The following CDH1 variants were observed in gnomAD, a reference collection of about 807,000 sequenced individuals.
CDH1 encodes the protein cadherin-1.
A neutral mutation model predicts 84.5 loss-of-function variants in CDH1; 35 were observed. The observed-to-expected ratio is 0.41, with a 90% CI of 0.32 to 0.55. The LOEUF is 0.55. Among genes scored for constraint, CDH1 ranks in the 20% least tolerant of loss-of-function variants. The pLI is 0.19. For synonymous variants in CDH1, 417 were observed against 439.0 expected (o/e 0.95, Z 0.63); for missense variants, 994 against 1,126.6 (o/e 0.88, Z 1.68).
Position 68,833,682 on chromosome 16 carries a change from G to T in CDH1, c.*183G>T. On this transcript the variant is annotated 3_prime_UTR_variant, in exon 16 of 16. Transcript: ENST00000261769. ...TTATAGCTCTAATAAGTTTGTGTTA[G>T]AAAAGTTTCGACTTATTTCTTAAAG... The T allele has an allele frequency of 3.4e-6, 2 of 595,220 alleles. No individual in the cohort carries two copies. The highest frequency in any genetic ancestry group is 3.0e-6 in the Non-Finnish European group (1 of 336,024). The allele number at this position is 595,220 out of a possible 1,614,324, so 36.9% of individuals were successfully genotyped here. A position where few individuals can be genotyped will look rare whatever the true frequency, so the allele number is the denominator to read the frequency against.
At position 68,801,730 on chromosome 16, in the gene CDH1, T is replaced by G. The variant is rs587781336; in HGVS notation, c.224T>G (p.Phe75Cys). Residue 75 changes from phenylalanine to cysteine, a missense_variant, in exon 3 of 16, where the codon TTC (phenylalanine) becomes TGC (cysteine). Around this residue, in one of 3 missense-constraint regions of CDH1, gnomAD observed 203 missense variants for 194.0 expected, o/e 1.05. Coordinates refer to ENST00000261769, the MANE Select transcript of CDH1 (RefSeq NM_004360.5). ...GCCTATTTTTCCCTCGACACCCGAT[T>G]CAAAGTGGGCACAGATGGTGTGATT... Reference protein sequence around the residue: ...RTAYFSLDTRFKVGTDGVITV... With the variant: ...RTAYFSLDTRCKVGTDGVITV... 6.2e-7 allele frequency: 1 copy of G among 1,614,198 alleles called. No individual in the cohort carries two copies. The highest frequency in any genetic ancestry group is 8.5e-7 in the Non-Finnish European group (1 of 1,180,032).
At chr16:68,742,000 A>G (rs1207325850) in intron 2 of CDH1, among the ~76,000 whole-genome samples, 2 of 151,920 alleles carry the variant, frequency 1.3e-5, no homozygotes, top group Admixed American at 1.3e-4. Context: ...GTTGCTGCTT[A>G]TTTTCCTTCT....
chr16:68,796,009 A>G (rs1399567907), intron 2 of CDH1, among the ~76,000 whole-genome samples: 1 of 151,782 alleles, frequency 6.6e-6, no homozygotes, highest in Non-Finnish European at 1.5e-5. Context: ...TAAAAATACA[A>G]AAGATTAGCC....
rs1279402665 is a variant in CDH1 at position 68,834,105 on chromosome 16, C to T, written c.*606C>T. On this transcript the variant is annotated 3_prime_UTR_variant, in exon 16 of 16. Coordinates refer to ENST00000261769, the MANE Select transcript of CDH1 (RefSeq NM_004360.5). ...CCAAGTAGCTGGGACCACAGGCATG[C>T]ACCACTACGCATGACTAATTTTTTA... 14 of 414,414 alleles carry T rather than the reference C, an allele frequency of 3.4e-5. No individual in the cohort carries two copies. In the Admixed American group the frequency reaches 4.0e-4, roughly 12 times the overall value. The allele number at this position is 414,414 out of a possible 1,614,324, so 25.7% of individuals were successfully genotyped here. A position where few individuals can be genotyped will look rare whatever the true frequency, so the allele number is the denominator to read the frequency against.
chr16:68,791,588 A>T (rs918253979), intron 2 of CDH1, among the ~76,000 whole-genome samples: 2 of 151,906 alleles, frequency 1.3e-5, no homozygotes, highest in Non-Finnish European at 2.9e-5. Context: ...ACACCCAGCT[A>T]ATTTTTAATT....
intron 7 of CDH1, 76 bp from the exon 8 acceptor site, chr16:68,812,059 C>A (rs2152132360): frequency 6.2e-7 from 1 of 1,603,328 alleles, no homozygotes; most frequent in Non-Finnish European, 8.5e-7. Context: ...TATTCTGGTT[C>A]CATGTGTTGG....
At chr16:68,793,308 GA>G (rs1960262179) in intron 2 of CDH1, among the ~76,000 whole-genome samples, 1 of 152,194 alleles carries the variant, frequency 6.6e-6, no homozygotes, top group Admixed American at 6.6e-5. Flanking sequence ...AGGTTTCTCT[GA>G]GGCCTGGAAC....
rs558806834 is a variant in CDH1 at position 68,776,827 on chromosome 16, A to G, written c.164-24843A>G. On this transcript the variant is annotated intron_variant, in intron 2 of 15. Transcript: ENST00000261769. ...TGTCAGATTAGGCTGGTCACTTTAC[A>G]TTATATACTTTCTCATGTAGTTCTC... Among the ~76,000 whole-genome samples the G allele has an allele frequency of 6.6e-5, 10 of 152,328 alleles. No individual in the cohort carries two copies. In the South Asian group the frequency reaches 2.1e-3, roughly 32 times the overall value.
At chr16:68,788,839 A>C (rs1445214796) in intron 2 of CDH1, among the ~76,000 whole-genome samples, 1 of 151,994 alleles carries the variant, frequency 6.6e-6, no homozygotes, top group Non-Finnish European at 1.5e-5. Flanking sequence ...TCTCCTAAAA[A>C]AAACAAAAAA....
chr16:68,822,706 C>G (rs1034334255), intron 12 of CDH1: 21 of 300,974 alleles, frequency 7.0e-5, no homozygotes, highest in African/African-American at 4.6e-4. Flanking sequence ...TCCACCATGA[C>G]GATGTGGATC....
chr16:68,802,392 G>T (rs1345423522), intron 3 of CDH1, among the ~76,000 whole-genome samples: 1 of 152,086 alleles, frequency 6.6e-6, no homozygotes, highest in South Asian at 2.1e-4. Context: ...CTAAAAATAC[G>T]CAAGGCATAC....
rs33969373 is a variant in CDH1 at position 68,822,185 on chromosome 16, C to T, written c.1896C>T (p.His632=). 9.2e-3 allele frequency: 14,861 copies of T among 1,614,096 alleles called. 222 individuals are homozygous for T. Among genetic ancestry groups the T allele is most frequent in the Middle Eastern group, 0.088 (536 of 6,062 alleles). ...CTCCCTTCACAGCAGAACTAACACA[C>T]GGGGCGAGTGCCAACTGGACCATTC... The part of the protein sequence containing the change: ...NTSPFTAELT[H]GASANWTIQY... Residue 632 remains histidine, a synonymous_variant, in exon 12 of 16, where the codon CAC becomes CAT. Coordinates refer to ENST00000261769, the MANE Select transcript of CDH1 (RefSeq NM_004360.5).
intron 2 of CDH1, among the ~76,000 whole-genome samples, chr16:68,800,762 G>A (rs1435225936): frequency 6.6e-6 from 1 of 152,142 alleles, no homozygotes; most frequent in Non-Finnish European, 1.5e-5. Flanking sequence ...CCTCAGAAAG[G>A]CCTGCCCTCA....
At chr16:68,740,898 G>T (rs1475036964) in intron 2 of CDH1, among the ~76,000 whole-genome samples, 2 of 152,000 alleles carry the variant, frequency 1.3e-5, no homozygotes, top group African/African-American at 4.8e-5. Context: ...TCCGCAGTTG[G>T]TCTTTTCTCT....
At chr16:68,779,823 AGCCT>A (rs1052511562) in intron 2 of CDH1, among the ~76,000 whole-genome samples, 21 of 152,202 alleles carry the variant, frequency 1.4e-4, no homozygotes, top group African/African-American at 4.8e-4. Flanking sequence ...ACTGCACTCC[AGCCT>A]GGCAACAGAT....
intron 2 of CDH1, among the ~76,000 whole-genome samples, chr16:68,781,476 G>A (rs1027770530): frequency 2.6e-5 from 4 of 151,986 alleles, no homozygotes; most frequent in African/African-American, 9.7e-5. Flanking sequence ...CAGTAATTGG[G>A]ACTACAGGAG....
At chr16:68,796,510 C>G (rs1960365559) in intron 2 of CDH1, among the ~76,000 whole-genome samples, 1 of 152,164 alleles carries the variant, frequency 6.6e-6, no homozygotes, top group Non-Finnish European at 1.5e-5. Flanking sequence ...TGGGACTGTT[C>G]CGTGTGGCAT....
chr16:68,755,293 A>G (rs887989955), intron 2 of CDH1, among the ~76,000 whole-genome samples: 4 of 151,780 alleles, frequency 2.6e-5, no homozygotes, highest in Non-Finnish European at 5.9e-5. Context: ...AAAAAAAAAA[A>G]AAAAAAAAAA....
At chr16:68,772,548 C>T (rs1018936355) in intron 2 of CDH1, among the ~76,000 whole-genome samples, 1 of 152,156 alleles carries the variant, frequency 6.6e-6, no homozygotes, top group African/African-American at 2.4e-5. Flanking sequence ...GGCTAACCCG[C>T]ACCGTATACA....
Sources: allele counts gnomAD v4.1 joint callset (sites outside exome capture counted in the v4.1 genomes callset), GRCh38; gene constraint gnomAD v4.1.1; regional missense constraint gnomAD v4.1.1; transcripts MANE v1.5; gene names NCBI Gene and HGNC (gene_info 2026-07-23, HGNC 2026-07-21).